Variants in DNAH11 observed in about 807,000 individuals in gnomAD.
DNAH11 encodes dynein axonemal heavy chain 11.
DNAH11 carries 442 observed loss-of-function variants against 526.0 expected under a neutral mutation model. The observed-to-expected ratio is 0.84, with a 90% CI of 0.78 to 0.91. The LOEUF (loss-of-function observed/expected upper bound fraction) is 0.91, where lower values mean the gene tolerates loss of function less well. Ranked by LOEUF, DNAH11 falls within the 40% of genes least tolerant of loss-of-function variation. DNAH11 has a pLI of 0.00. For synonymous variants in DNAH11, 2,461 were observed against 1,935.9 expected (o/e 1.27, Z -7.12); for missense variants, 6,989 against 5,448.7 (o/e 1.28, Z -8.90).
chr7:21,888,859 C>T (rs1784226762), intron 76 of DNAH11, among the ~76,000 whole-genome samples: 1 of 152,062 alleles, frequency 6.6e-6, no homozygotes, highest in Non-Finnish European at 1.5e-5. Context: ...ATGATTCTAT[C>T]GATTCTTTTT....
At chr7:21,858,096 G>A (rs2040664) in intron 68 of DNAH11, among the ~76,000 whole-genome samples, 99,198 of 152,004 alleles carry the variant, frequency 0.65, 32,894 homozygotes, top group African/African-American at 0.7. Flanking sequence ...GAACAGACAT[G>A]TAATAACACA....
chr7:21,787,466 AG>A lies in DNAH11; in HGVS notation c.9808del (p.Val3270TrpfsTer2). On this transcript the variant is annotated frameshift_variant, in exon 60 of 82. Coordinates refer to ENST00000409508, the MANE Select transcript of DNAH11 (RefSeq NM_001277115.2). LOFTEE classifies it high-confidence loss of function. ...KEHIPENCLK[V>X]VNEHYLKDPE... Reference sequence around the variant, plus strand: ...AGCACATTCCAGAGAACTGTCTAAAAGTGGTGAATGAACACTATTTGAAAGA... The same window carrying A: ...AGCACATTCCAGAGAACTGTCTAAAATGGTGAATGAACACTATTTGAAAGA... The A allele has an allele frequency of 6.2e-7, 1 of 1,613,844 alleles. No individual in the cohort carries two copies. Among genetic ancestry groups the A allele is most frequent in the Non-Finnish European group, 8.5e-7 (1 of 1,179,768 alleles).
At chr7:21,862,826 C>T (rs1230947506) in intron 69 of DNAH11, among the ~76,000 whole-genome samples, 2 of 151,900 alleles carry the variant, frequency 1.3e-5, no homozygotes, top group Non-Finnish European at 2.9e-5. Flanking sequence ...GCCTGTAATC[C>T]CAGCACTTTG....
At chr7:21,765,008 A>G (rs1258269790) in intron 54 of DNAH11, among the ~76,000 whole-genome samples, 2 of 152,246 alleles carry the variant, frequency 1.3e-5, no homozygotes, top group East Asian at 1.9e-4. Flanking sequence ...TTTAAAGTGT[A>G]TTATGCAGCT....
chr7:21,895,804 A>G (rs995389606), intron 79 of DNAH11, among the ~76,000 whole-genome samples: 1 of 152,094 alleles, frequency 6.6e-6, no homozygotes, highest in Non-Finnish European at 1.5e-5. Flanking sequence ...ATCTCGGCTC[A>G]CTGCAAGCTC....
At chr7:21,658,749 TC>T (rs1562734633) in intron 29 of DNAH11, 48 bp from the exon 30 acceptor site, 1 of 1,450,780 alleles carries the variant, frequency 6.9e-7, no homozygotes, top group South Asian at 1.4e-5. Flanking sequence ...GATGAAATTA[TC>T]CTTCCATAGT....
In DNAH11 at chr7:21,816,489, G is replaced by T. The variant is rs1033593187; in HGVS notation, c.10355G>T (p.Gly3452Val). ...QQKVSIPLTE[G>V]LDLISMLTDD... ...AAGGTTTCCATTCCACTAACCGAAGGCCTGGACTTGATATCCATGTTGACG... is the reference window on the plus strand; with the variant it reads ...AAGGTTTCCATTCCACTAACCGAAGTCCTGGACTTGATATCCATGTTGACG... The change falls in exon 64 of 82, where the codon GGC becomes GTC. Residue 3452 changes from glycine to valine, a missense_variant. By Grantham distance (109) the Gly-to-Val change is moderately radical. Coordinates refer to ENST00000409508, the MANE Select transcript of DNAH11 (RefSeq NM_001277115.2). 2 of 1,609,068 alleles carry T rather than the reference G, an allele frequency of 1.2e-6. No homozygotes were observed. Among genetic ancestry groups the T allele is most frequent in the Admixed American group, 1.7e-5 (1 of 59,190 alleles).
intron 46 of DNAH11, among the ~76,000 whole-genome samples, chr7:21,738,316 A>G: frequency 6.6e-6 from 1 of 152,210 alleles, no homozygotes; most frequent in South Asian, 2.1e-4. Context: ...ACTCTTCCGC[A>G]GAGATGACAG....
intron 54 of DNAH11, among the ~76,000 whole-genome samples, chr7:21,758,421 C>G (rs965864650): frequency 6.6e-6 from 1 of 152,116 alleles, no homozygotes; most frequent in Admixed American, 6.5e-5. Context: ...TGTATATTTA[C>G]TCATTCATGT....
At chr7:21,563,932 TC>T (rs1402920147) in intron 5 of DNAH11, among the ~76,000 whole-genome samples, 2 of 152,178 alleles carry the variant, frequency 1.3e-5, no homozygotes, top group Non-Finnish European at 2.9e-5. Flanking sequence ...CCTTGGGTTT[TC>T]CATCACAATT....
intron 9 of DNAH11, among the ~76,000 whole-genome samples, chr7:21,582,751 C>A (rs1251454830): frequency 1.3e-5 from 2 of 151,996 alleles, no homozygotes; most frequent in Non-Finnish European, 2.9e-5. Context: ...TAGATAACGT[C>A]CCAAAAGAGG....
rs76396444 is a variant in DNAH11 at position 21,702,613 on chromosome 7, C to A, written c.6181-97C>A. 3.2e-6 allele frequency: 3 copies of A among 929,272 alleles called. No individual in the cohort carries two copies. In the African/African-American group the frequency reaches 5.0e-5, roughly 15 times the overall value. 57.6% of individuals were successfully genotyped at this position (929,272 alleles called of 1,614,324 possible). ...TTGAATCATTAAAGTGTGTATTTATCTGAACTCCTTCTTAAAAACTTTCAG... is the reference window on the plus strand; with the variant it reads ...TTGAATCATTAAAGTGTGTATTTATATGAACTCCTTCTTAAAAACTTTCAG... On this transcript the variant is annotated intron_variant, in intron 36 of 81. Coordinates refer to ENST00000409508, the MANE Select transcript of DNAH11 (RefSeq NM_001277115.2).
At chr7:21,650,895 C>T (rs1457847449) in intron 28 of DNAH11, among the ~76,000 whole-genome samples, 1 of 151,698 alleles carries the variant, frequency 6.6e-6, no homozygotes, top group East Asian at 1.9e-4. Flanking sequence ...TTGCCTCTGC[C>T]TCCCAAAGTG....
At chr7:21,674,639 C>CCTTTTCTTTTCCT (rs1782794814) in intron 30 of DNAH11, among the ~76,000 whole-genome samples, 2 of 152,008 alleles carry the variant, frequency 1.3e-5, no homozygotes, top group South Asian at 2.1e-4. Context: ...TTTTTCCTTC[C>CCTTTTCTTTTCCT]CTTTTCTTTT....
intron 8 of DNAH11, 118 bp downstream of exon 8, chr7:21,572,091 A>G (rs1031277759): frequency 5.7e-6 from 5 of 873,188 alleles, no homozygotes; most frequent in Non-Finnish European, 7.7e-6. Context: ...GGACCAAAAG[A>G]GGTTACATGA....
Position 21,789,928 on chromosome 7 carries a change from A to T in DNAH11, c.10026+586A>T, listed in dbSNP as rs190282374. Among the ~76,000 whole-genome samples, 242 of 59,966 alleles carry T rather than the reference A, an allele frequency of 4.0e-3. 2 individuals are homozygous for T. Among genetic ancestry groups the T allele is most frequent in the African/African-American group, 0.016 (217 of 13,624 alleles). 39.3% of individuals were successfully genotyped at this position (59,966 alleles called of 152,430 possible). ...CCTCCCTCCCTCCCTTCCTTCCTTC[A>T]TTTTATTTTAAGTTCCAGGGTGGAT... On this transcript the variant is annotated intron_variant, in intron 61 of 81. Transcript: ENST00000409508.
At chr7:21,708,076 G>A (rs1784338921) in intron 40 of DNAH11, among the ~76,000 whole-genome samples, 1 of 152,184 alleles carries the variant, frequency 6.6e-6, no homozygotes, top group Non-Finnish European at 1.5e-5. Context: ...CGTCAATTAT[G>A]TCAGGGCTCC....
Position 21,570,503 on chromosome 7 carries a change from C to G in DNAH11, c.1425+204C>G, listed in dbSNP as rs1039199914. ...CTTTAATTTGGATTTTTTAAAAGTT[C>G]ATTTTTGATTCCATTATTACATTGA... On this transcript the variant is annotated intron_variant, in intron 7 of 81. Coordinates refer to ENST00000409508, the MANE Select transcript of DNAH11 (RefSeq NM_001277115.2). 1.1e-4 allele frequency: 49 copies of G among 450,342 alleles called. 1 individual carries two copies. The highest frequency in any genetic ancestry group is 8.9e-4 in the African/African-American group (44 of 49,562). The allele number at this position is 450,342 out of a possible 1,614,324, so 27.9% of individuals were successfully genotyped here.
At position 21,694,774 on chromosome 7, in the gene DNAH11, C is replaced by T. The variant is rs998958313; in HGVS notation, c.6042-3301C>T. 4.3e-4 allele frequency among the ~76,000 whole-genome samples: 66 copies of T among 152,278 alleles called. 1 individual carries two copies. Among genetic ancestry groups the T allele is most frequent in the African/African-American group, 1.6e-3 (66 of 41,562 alleles). On this transcript the variant is annotated intron_variant, in intron 35 of 81. Coordinates refer to ENST00000409508, the MANE Select transcript of DNAH11 (RefSeq NM_001277115.2). ...GTTCTAGATCCTTGAGGAATTGCCACACTGTCTTCCACAATGGTTGAACCA... is the reference window on the plus strand; with the variant it reads ...GTTCTAGATCCTTGAGGAATTGCCATACTGTCTTCCACAATGGTTGAACCA...
Sources: allele counts gnomAD v4.1 joint callset (sites outside exome capture counted in the v4.1 genomes callset), GRCh38; gene constraint gnomAD v4.1.1; transcripts MANE v1.5; gene names NCBI Gene and HGNC (gene_info 2026-07-23, HGNC 2026-07-21).